The following VAV3 variants were observed in gnomAD, a reference collection of about 807,000 sequenced individuals.
The protein encoded by VAV3 is vav guanine nucleotide exchange factor 3, also known as guanine nucleotide exchange factor VAV3.
A neutral mutation model predicts 131.2 loss-of-function variants in VAV3; 94 were observed. The ratio of observed to expected loss-of-function variants is 0.72; its 90% CI spans 0.61 to 0.85. The LOEUF (loss-of-function observed/expected upper bound fraction) is 0.85, where lower values mean the gene tolerates loss of function less well. VAV3 is among the 40% of genes least tolerant of loss of function. The pLI, the probability that VAV3 is intolerant of heterozygous loss-of-function variation, is 0.00. For synonymous variants in VAV3, 349 were observed against 342.0 expected (o/e 1.02, Z -0.22); for missense variants, 939 against 1,002.7 (o/e 0.94, Z 0.86).
intron 3 of VAV3, among the ~76,000 whole-genome samples, chr1:107,778,726 A>G (rs1428545725): frequency 6.6e-6 from 1 of 152,232 alleles, no homozygotes; most frequent in Non-Finnish European, 1.5e-5. Context: ...TAAAGAAGGT[A>G]AAAAACAAAT....
At chr1:107,794,872 G>T (rs973204443) in intron 2 of VAV3, among the ~76,000 whole-genome samples, 4 of 152,216 alleles carry the variant, frequency 2.6e-5, no homozygotes. Flanking sequence ...AAGTAGCTCA[G>T]CCCTAATGGG....
At chr1:107,711,650 A>G (rs1277646801) in intron 15 of VAV3, among the ~76,000 whole-genome samples, 1 of 152,244 alleles carries the variant, frequency 6.6e-6, no homozygotes, top group Non-Finnish European at 1.5e-5. Context: ...TTTAGGTTCT[A>G]TAAAATAAAG....
intron 1 of VAV3, among the ~76,000 whole-genome samples, chr1:107,922,951 C>CA (rs1320244225): frequency 4.8e-4 from 36 of 75,384 alleles, no homozygotes; most frequent in African/African-American, 1.3e-3. Context: ...GACTCCGTCT[C>CA]AAAAAAAAAA....
At chr1:107,790,693 T>C (rs1570958618) in intron 2 of VAV3, among the ~76,000 whole-genome samples, 1 of 142,474 alleles carries the variant, frequency 7.0e-6, no homozygotes, top group East Asian at 2.0e-4. Flanking sequence ...TTTTTTTTTT[T>C]TTTTTTTTTT....
At chr1:107,875,166 C>A (rs548139253) in intron 1 of VAV3, 149 bp from the exon 2 acceptor site, 2 of 669,232 alleles carry the variant, frequency 3.0e-6, no homozygotes, top group Admixed American at 5.1e-5. Flanking sequence ...GCAGTACTGA[C>A]CGAGCCTGCA....
intron 25 of VAV3, 139 bp downstream of exon 25, chr1:107,596,073 A>C: frequency 3.6e-6 from 4 of 1,123,404 alleles, no homozygotes; most frequent in Non-Finnish European, 5.0e-6. Flanking sequence ...GACTCTGCTT[A>C]ACTCCAGAAA....
chr1:107,920,821 T>C (rs922478923), intron 1 of VAV3, among the ~76,000 whole-genome samples: 1 of 152,228 alleles, frequency 6.6e-6, no homozygotes, highest in African/African-American at 2.4e-5. Flanking sequence ...TATTTGTGTG[T>C]GTGTATAAAT....
chr1:107,877,897 A>G (rs1670580885), intron 1 of VAV3, among the ~76,000 whole-genome samples: 1 of 152,190 alleles, frequency 6.6e-6, no homozygotes, highest in African/African-American at 2.4e-5. Flanking sequence ...CACTTCACTC[A>G]ATGCTCACAA....
At chr1:107,656,156 C>T (rs1321994528) in intron 19 of VAV3, among the ~76,000 whole-genome samples, 1 of 152,140 alleles carries the variant, frequency 6.6e-6, no homozygotes, top group Non-Finnish European at 1.5e-5. Flanking sequence ...CACTCCCTTG[C>T]TTATTGTAAC....
intron 2 of VAV3, among the ~76,000 whole-genome samples, chr1:107,844,971 C>A (rs1287292088): frequency 6.6e-6 from 1 of 152,214 alleles, no homozygotes; most frequent in African/African-American, 2.4e-5. Context: ...GACAGACTGC[C>A]TCCTCAAGTG....
intron 21 of VAV3, 137 bp downstream of exon 21, chr1:107,617,430 G>T: frequency 1.4e-6 from 1 of 690,772 alleles, no homozygotes; most frequent in Non-Finnish European, 2.3e-6. Flanking sequence ...TAATGATGTT[G>T]AAAATAATGA....
chr1:107,956,119 T>C (rs1193551968), intron 1 of VAV3, among the ~76,000 whole-genome samples: 4 of 152,176 alleles, frequency 2.6e-5, no homozygotes, highest in Non-Finnish European at 5.9e-5. Flanking sequence ...AACTCACTCA[T>C]AGTGCAGGAG....
intron 15 of VAV3, among the ~76,000 whole-genome samples, chr1:107,718,954 T>G (rs925759630): frequency 4.6e-5 from 7 of 152,054 alleles, no homozygotes; most frequent in South Asian, 2.1e-4. Flanking sequence ...CAAGAAATGG[T>G]GAAAGGATTC....
intron 23 of VAV3, 99 bp downstream of exon 23, chr1:107,602,948 A>G: frequency 1.2e-6 from 1 of 837,630 alleles, no homozygotes. Context: ...TCCTTCAATT[A>G]GAACTTTGGT....
At chr1:107,830,242 AC>A (rs1278458225) in intron 2 of VAV3, among the ~76,000 whole-genome samples, 1 of 151,360 alleles carries the variant, frequency 6.6e-6, no homozygotes, top group African/African-American at 2.4e-5. Context: ...TTGCTCTATC[AC>A]CCAGGGTGGA....
intron 25 of VAV3, chr1:107,576,322 A>G (rs1649648503): frequency 3.0e-6 from 4 of 1,333,592 alleles, no homozygotes; most frequent in Non-Finnish European, 3.0e-6. Context: ...GAAGCCATAC[A>G]TGGAACTCAA....
intron 25 of VAV3, among the ~76,000 whole-genome samples, chr1:107,595,954 A>G (rs896687340): frequency 1.3e-5 from 2 of 152,164 alleles, no homozygotes; most frequent in Non-Finnish European, 1.5e-5. Flanking sequence ...TGAAATGTAA[A>G]TATTAGCATA....
At chr1:107,891,836 C>T (rs1478859942) in intron 1 of VAV3, among the ~76,000 whole-genome samples, 2 of 89,962 alleles carry the variant, frequency 2.2e-5, no homozygotes, top group East Asian at 7.1e-4. Flanking sequence ...AAGACTCCGT[C>T]TCAAAAAAAA....
intron 2 of VAV3, among the ~76,000 whole-genome samples, chr1:107,793,305 C>T (rs761274921): frequency 2.6e-5 from 4 of 152,190 alleles, no homozygotes; most frequent in South Asian, 2.1e-4. Context: ...AACAGCCTGT[C>T]ATGAACGCTA....
Sources: allele counts gnomAD v4.1 joint callset (sites outside exome capture counted in the v4.1 genomes callset), GRCh38; gene constraint gnomAD v4.1.1; transcripts MANE v1.5; gene names NCBI Gene and HGNC (gene_info 2026-07-23, HGNC 2026-07-21).